The following IRAK1BP1 variants were observed in gnomAD, a reference collection of about 807,000 sequenced individuals.
IRAK1BP1 encodes the protein interleukin-1 receptor-associated kinase 1-binding protein 1.
Under a neutral mutation model 28.0 loss-of-function variants are expected in IRAK1BP1, and 24 were observed. The ratio of observed to expected loss-of-function variants is 0.86; its 90% confidence interval spans 0.62 to 1.20. The LOEUF is 1.20. IRAK1BP1 is among the 50% of genes most tolerant of loss of function. The pLI, the probability that IRAK1BP1 is intolerant of heterozygous loss-of-function variation, is 0.00. For missense variants in IRAK1BP1, 336 were observed against 316.7 expected, an observed-to-expected ratio of 1.06 and a Z score of -0.46; for synonymous variants, 131 against 116.3, an observed-to-expected ratio of 1.13 and a Z score of -0.81.
chr6:78,898,162 A>C lies in IRAK1BP1; in HGVS notation c.611A>C (p.Lys204Thr). 1.9e-6 allele frequency: 3 copies of C among 1,613,782 alleles called. No homozygotes were observed. Among genetic ancestry groups the C allele is most frequent in the Non-Finnish European group, 2.5e-6 (3 of 1,179,938 alleles). The change falls in exon 4 of 4, where the codon AAA becomes ACA. Residue 204 changes from lysine (K) to threonine (T), a missense_variant. Lys to Thr is a moderately conservative substitution (Grantham distance 78, BLOSUM62 -1). Transcript: ENST00000369940. ...GQTLGKPLLIKEEETKEWEGQ... is the reference protein window; with the variant it reads ...GQTLGKPLLITEEETKEWEGQ... ...ACCTTAGGAAAACCTTTACTAATCA[A>C]AGAAGAAGAAACAAAAGAATGGGAA...
In IRAK1BP1 at chr6:78,923,071, C is replaced by T. The variant is rs1582048483; in HGVS notation, c.*67+19961C>T. 3.9e-5 allele frequency among the ~76,000 whole-genome samples: 6 copies of T among 152,086 alleles called. No homozygotes were observed. In the South Asian group the frequency reaches 1.0e-3, roughly 26 times the overall value. On this transcript the variant is annotated intron_variant and NMD_transcript_variant, in intron 4 of 4. Transcript: ENST00000606868. Reference sequence around the variant, plus strand: ...ATGACAGGATCAAATTCACACATAACAATATTAAGTTTAAATGTAAATGGG... The same window carrying T: ...ATGACAGGATCAAATTCACACATAATAATATTAAGTTTAAATGTAAATGGG...
the IRAK1BP1 span, among the ~76,000 whole-genome samples, chr6:78,977,393 G>C: frequency 6.6e-6 from 1 of 152,012 alleles, no homozygotes; most frequent in Non-Finnish European, 1.5e-5. Context: ...GGGGACGGGG[G>C]AGGGATAGCA....
intron 4 of IRAK1BP1, among the ~76,000 whole-genome samples, chr6:78,942,800 A>G (rs1378539138): frequency 6.6e-6 from 1 of 152,210 alleles, no homozygotes; most frequent in African/African-American, 2.4e-5. Flanking sequence ...AATCCCTTGT[A>G]ATGGTCCCAA....
Position 78,901,342 on chromosome 6 carries a change from T to C in IRAK1BP1, c.*3008T>C, listed in dbSNP as rs1449744563. On this transcript the variant is annotated 3_prime_UTR_variant, in exon 4 of 4. Coordinates refer to ENST00000369940, the MANE Select transcript of IRAK1BP1 (RefSeq NM_001010844.4). Reference sequence around the variant, plus strand: ...ATCATTCAAAGATTGGAAAGACTTATGTGTAGTATTCTGTATACTAAAGGG... The same window carrying C: ...ATCATTCAAAGATTGGAAAGACTTACGTGTAGTATTCTGTATACTAAAGGG... 6.6e-6 allele frequency: 1 copy of C among 152,116 alleles called. No individual in the cohort carries two copies. The highest frequency in any genetic ancestry group is 1.5e-5 in the Non-Finnish European group (1 of 68,006). The allele number at this position is 152,116 out of a possible 1,614,324, so 9.4% of individuals were successfully genotyped here.
chr6:78,919,861 C>T (rs1772671946), intron 4 of IRAK1BP1, among the ~76,000 whole-genome samples: 1 of 152,078 alleles, frequency 6.6e-6, no homozygotes, highest in African/African-American at 2.4e-5. Flanking sequence ...AGCTGGAAAA[C>T]ACATAATGAA....
chr6:78,886,819 T>G (rs995213692), intron 2 of IRAK1BP1, among the ~76,000 whole-genome samples: 2 of 152,232 alleles, frequency 1.3e-5, no homozygotes, highest in African/African-American at 2.4e-5. Context: ...CATGACTAAA[T>G]GAGAGTTTGG....
rs538162306 is a variant in IRAK1BP1, at chr6:78,878,853, T to C, written c.316-6525T>C. Among the ~76,000 whole-genome samples the C allele has an allele frequency of 2.6e-5, 4 of 152,230 alleles. No homozygotes were observed. The East Asian group carries it at 5.8e-4, about 22-fold the overall frequency. ...CATGGCACAAGAACTACGTGACGCA[T>C]GCACAAGCTTCAGTAGCCGATTAGA... On this transcript the variant is annotated intron_variant, in intron 1 of 3. Transcript: ENST00000369940.
chr6:78,948,124 T>C (rs1773929593), downstream of IRAK1BP1, among the ~76,000 whole-genome samples: 1 of 152,176 alleles, frequency 6.6e-6, no homozygotes, highest in Non-Finnish European at 1.5e-5. Context: ...CAAAACTTTA[T>C]ACTACTTATA....
At chr6:78,953,748 G>A in the IRAK1BP1 span, among the ~76,000 whole-genome samples, 1 of 151,974 alleles carries the variant, frequency 6.6e-6, no homozygotes, top group Non-Finnish European at 1.5e-5. Context: ...AATTAGCCCG[G>A]CTAATTTTTG....
the IRAK1BP1 span, among the ~76,000 whole-genome samples, chr6:78,967,016 GAC>G: frequency 7.2e-5 from 11 of 152,132 alleles, no homozygotes; most frequent in African/African-American, 2.7e-4. Flanking sequence ...TCCACATTTT[GAC>G]ACACAGTTAA....
At chr6:78,873,128 C>T (rs573646085) in intron 1 of IRAK1BP1, among the ~76,000 whole-genome samples, 2 of 151,292 alleles carry the variant, frequency 1.3e-5, no homozygotes, top group African/African-American at 4.9e-5. Context: ...TGGTGGTGGG[C>T]GCCTGTGTCT....
intron 1 of IRAK1BP1, among the ~76,000 whole-genome samples, chr6:78,870,946 C>T (rs577291589): frequency 6.6e-6 from 1 of 152,010 alleles, no homozygotes. Flanking sequence ...CCTGACTGAT[C>T]CCCCACCTCA....
rs1019713730 is a variant in IRAK1BP1, at chr6:78,895,090, G to A, written c.382-2739G>A. On this transcript the variant is annotated intron_variant, in intron 2 of 3. Transcript: ENST00000369940. Reference sequence around the variant, plus strand: ...GCCATTGCATTGCACTCCAGCCTGGGCAACTGAGCAAGACTCCATCTCAAA... The same window carrying A: ...GCCATTGCATTGCACTCCAGCCTGGACAACTGAGCAAGACTCCATCTCAAA... 5.3e-5 allele frequency among the ~76,000 whole-genome samples: 8 copies of A among 150,276 alleles called. No homozygotes were observed. The East Asian group carries it at 1.6e-3, about 29-fold the overall frequency.
chr6:78,870,748 T>A (rs1770767545), intron 1 of IRAK1BP1, among the ~76,000 whole-genome samples: 2 of 152,144 alleles, frequency 1.3e-5, no homozygotes, highest in African/African-American at 4.8e-5. Flanking sequence ...TTCGCTTTTG[T>A]CGCCCAGGCT....
At chr6:78,874,264 C>T (rs1334486796) in intron 1 of IRAK1BP1, among the ~76,000 whole-genome samples, 1 of 152,172 alleles carries the variant, frequency 6.6e-6, no homozygotes, top group Non-Finnish European at 1.5e-5. Flanking sequence ...CATCTTTTAA[C>T]CTAATCCTAT....
the IRAK1BP1 span, among the ~76,000 whole-genome samples, chr6:78,961,132 T>C: frequency 6.6e-6 from 1 of 152,100 alleles, no homozygotes; most frequent in African/African-American, 2.4e-5. Context: ...ATTACCTAGA[T>C]AATGCAAATT....
chr6:78,959,075 C>T, the IRAK1BP1 span, among the ~76,000 whole-genome samples: 1 of 151,974 alleles, frequency 6.6e-6, no homozygotes, highest in Admixed American at 6.6e-5. Flanking sequence ...TTATGAGATA[C>T]AAAATCATAA....
chr6:78,970,767 A>T, the IRAK1BP1 span: 1 of 1,497,564 alleles, frequency 6.7e-7, no homozygotes, highest in East Asian at 2.3e-5. Context: ...TTAAATAATA[A>T]ATCAATGTCA....
At chr6:78,891,782 G>A (rs1342021768) in intron 2 of IRAK1BP1, among the ~76,000 whole-genome samples, 1 of 152,054 alleles carries the variant, frequency 6.6e-6, no homozygotes, top group East Asian at 1.9e-4. Flanking sequence ...TTTTAATCCT[G>A]GGGTATAATA....
Sources: allele counts gnomAD v4.1 joint callset (sites outside exome capture counted in the v4.1 genomes callset), GRCh38; gene constraint gnomAD v4.1.1; transcripts MANE v1.5; gene names NCBI Gene and HGNC (gene_info 2026-07-23, HGNC 2026-07-21).